The following DOCK9 variants were observed in gnomAD, a reference collection of about 807,000 sequenced individuals.
DOCK9 encodes the protein dedicator of cytokinesis protein 9.
Under a neutral mutation model 263.3 loss-of-function variants are expected in DOCK9, and 89 were observed. The ratio of observed to expected loss-of-function variants is 0.34; its 90% CI spans 0.28 to 0.40. The LOEUF (loss-of-function observed/expected upper bound fraction) is 0.40. DOCK9 is among the 10% of genes least tolerant of loss of function. The probability of loss-of-function intolerance (pLI) is 1.00; values close to 1 mark genes in which losing one functional copy is unlikely to be tolerated. For synonymous variants in DOCK9, 976 were observed against 973.1 expected (o/e 1.00, Z -0.06); for missense variants, 2,140 against 2,603.4 (o/e 0.82, Z 3.87).
At chr13:98,981,096 G>A (rs1445789893), upstream of DOCK9, among the ~76,000 whole-genome samples, 2 of 149,282 alleles carry the variant, frequency 1.3e-5, no homozygotes, top group Non-Finnish European at 3.0e-5. Context: ...TGGCTCTGCT[G>A]CCCAGACTGG....
At chr13:98,972,414 C>T (rs9557107) in intron 1 of DOCK9, among the ~76,000 whole-genome samples, 77,297 of 151,044 alleles carry the variant, frequency 0.51, 19,935 homozygotes, top group East Asian at 0.75. Context: ...TCTATACAAG[C>T]GATTTTAGTT....
At chr13:99,024,356 T>C (rs547751024) in intron 1 of DOCK9, among the ~76,000 whole-genome samples, 1 of 152,292 alleles carries the variant, frequency 6.6e-6, no homozygotes, top group Non-Finnish European at 1.5e-5. Context: ...CCACCAGCCA[T>C]TCCCAAAGAA....
chr13:98,868,243 A>C lies in DOCK9; in HGVS notation c.3078T>G (p.Ala1026=). Residue 1026 remains alanine (A), a synonymous_variant, in exon 28 of 53, where the codon GCT becomes GCG. Coordinates refer to ENST00000682017, the MANE Select transcript of DOCK9 (RefSeq NM_001366683.2). ...TGGAGGTCCCCACCTTGATGAAGAC[A>C]GCAAGGCTATGATTCGCGTTCTTAG... The part of the protein sequence containing the change: ...EASKNANHSL[A]VFIKRCFTFM... 7 of 1,613,926 alleles carry C rather than the reference A, an allele frequency of 4.3e-6. No homozygotes were observed. The highest frequency in any genetic ancestry group is 5.9e-6 in the Non-Finnish European group (7 of 1,179,858).
intron 1 of DOCK9, among the ~76,000 whole-genome samples, chr13:99,018,207 G>C (rs1885660650): frequency 6.6e-6 from 1 of 152,330 alleles, no homozygotes; most frequent in East Asian, 1.9e-4. Flanking sequence ...ACAGTGCTGG[G>C]AAGTGGGACC....
At chr13:98,974,472 G>T (rs530587556) in intron 1 of DOCK9, among the ~76,000 whole-genome samples, 1 of 152,012 alleles carries the variant, frequency 6.6e-6, no homozygotes, top group Admixed American at 6.6e-5. Flanking sequence ...ACTTTTAGCC[G>T]GTCGCAGTGG....
intron 37 of DOCK9, chr13:98,846,683 C>G: frequency 1.7e-6 from 1 of 601,620 alleles, no homozygotes; most frequent in Non-Finnish European, 2.8e-6. Context: ...ACACCTGTCC[C>G]CTGTCCCGGA....
At chr13:98,957,492 T>C (rs1416593542) in intron 1 of DOCK9, among the ~76,000 whole-genome samples, 1 of 151,708 alleles carries the variant, frequency 6.6e-6, no homozygotes, top group African/African-American at 2.4e-5. Context: ...ACTAAAAATA[T>C]GCAAAATCAA....
intron 49 of DOCK9, among the ~76,000 whole-genome samples, chr13:98,801,092 A>G (rs1748512172): frequency 6.6e-6 from 1 of 152,092 alleles, no homozygotes; most frequent in South Asian, 2.1e-4. Flanking sequence ...CAGCCTGGGC[A>G]ACATGGCAAA....
At chr13:98,897,917 G>A (rs2047674389) in intron 14 of DOCK9, among the ~76,000 whole-genome samples, 1 of 152,194 alleles carries the variant, frequency 6.6e-6, no homozygotes, top group African/African-American at 2.4e-5. Flanking sequence ...CTTCCAGCTG[G>A]AGGCATGTGG....
intron 1 of DOCK9, among the ~76,000 whole-genome samples, chr13:99,082,466 C>A (rs1162182515): frequency 2.6e-5 from 4 of 151,700 alleles, no homozygotes; most frequent in Admixed American, 1.3e-4. Flanking sequence ...TTGCAGTGAG[C>A]CAAGATCATG....
At chr13:98,944,162 C>A (rs182666367) in intron 2 of DOCK9, among the ~76,000 whole-genome samples, 4 of 152,186 alleles carry the variant, frequency 2.6e-5, no homozygotes, top group East Asian at 1.9e-4. Flanking sequence ...TCATGGGGAA[C>A]ACAAACATAC....
At chr13:98,907,313 G>T (rs749481315) in intron 9 of DOCK9, among the ~76,000 whole-genome samples, 1 of 152,208 alleles carries the variant, frequency 6.6e-6, no homozygotes, top group Non-Finnish European at 1.5e-5. Context: ...ACTGTGTTAT[G>T]TTCTCAGACG....
intron 1 of DOCK9, among the ~76,000 whole-genome samples, chr13:99,056,104 C>T (rs563003809): frequency 5.2e-4 from 79 of 152,300 alleles, no homozygotes; most frequent in African/African-American, 1.9e-3. Context: ...CAAGGTCTTT[C>T]CAGTTTAGTG....
At chr13:99,009,317 T>A (rs1223719631) in intron 1 of DOCK9, among the ~76,000 whole-genome samples, 1 of 152,102 alleles carries the variant, frequency 6.6e-6, no homozygotes, top group African/African-American at 2.4e-5. Flanking sequence ...TCAGCCTAGT[T>A]TACTGTTGTG....
intron 1 of DOCK9, among the ~76,000 whole-genome samples, chr13:99,067,404 A>G (rs1392256225): frequency 6.6e-6 from 1 of 152,252 alleles, no homozygotes; most frequent in Non-Finnish European, 1.5e-5. Flanking sequence ...AAAAGAGGAC[A>G]CTGAATCCTC....
intron 1 of DOCK9, among the ~76,000 whole-genome samples, chr13:99,069,374 T>C (rs9557130): frequency 0.15 from 22,554 of 152,220 alleles, 2,385 homozygotes; most frequent in East Asian, 0.43. Flanking sequence ...GAAACATGAA[T>C]ATCAATTTCA....
intron 1 of DOCK9, among the ~76,000 whole-genome samples, chr13:99,040,660 G>A (rs1385674464): frequency 2.0e-5 from 3 of 152,086 alleles, no homozygotes; most frequent in Non-Finnish European, 2.9e-5. Flanking sequence ...TCCACTGTGC[G>A]CCAGACACGG....
intron 1 of DOCK9, among the ~76,000 whole-genome samples, chr13:99,020,942 C>T (rs776501292): frequency 1.4e-4 from 21 of 152,272 alleles, no homozygotes; most frequent in Non-Finnish European, 2.4e-4. Context: ...CAGTCTAACA[C>T]GTCATTCATT....
At chr13:98,845,488 G>C in intron 38 of DOCK9, 1 of 570,604 alleles carries the variant, frequency 1.8e-6, no homozygotes, top group Non-Finnish European at 2.7e-6. Context: ...TTCAGAGCTG[G>C]AATGTCAGAA....
Sources: gnomAD v4.1 joint callset for allele counts (sites outside exome capture counted in the v4.1 genomes callset) on GRCh38, gnomAD v4.1.1 for gene constraint, MANE v1.5 for transcripts, NCBI Gene and HGNC (gene_info 2026-07-23, HGNC 2026-07-21) for gene names.